PPP6R3: variants seen among roughly 807,000 people sequenced by gnomAD.
PPP6R3 encodes the protein serine/threonine-protein phosphatase 6 regulatory subunit 3.
PPP6R3 carries 38 observed loss-of-function variants against 110.7 expected under a neutral mutation model. That is an observed-to-expected ratio of 0.34 (90% CI 0.26 to 0.45). The LOEUF (loss-of-function observed/expected upper bound fraction) is 0.45. PPP6R3 is among the 20% of genes least tolerant of loss of function. The probability of loss-of-function intolerance (pLI) is 1.00; values close to 1 mark genes in which losing one functional copy is unlikely to be tolerated. For synonymous variants in PPP6R3, 369 were observed against 373.5 expected, an observed-to-expected ratio of 0.99 and a Z score of 0.14; for missense variants, 870 against 1,062.4, an observed-to-expected ratio of 0.82 and a Z score of 2.52.
chr11:68,600,506 T>C lies in PPP6R3; in HGVS notation c.2192+12T>C, dbSNP rs1437785217. ...ACGTCTTCCCTGAGGTGAGCGAACATGTGCTGTCTCTACACCCTTCCACGG... is the reference window on the plus strand; with the variant it reads ...ACGTCTTCCCTGAGGTGAGCGAACACGTGCTGTCTCTACACCCTTCCACGG... On this transcript the variant is annotated intron_variant, in intron 20 of 23. Transcript: ENST00000393800. The C allele has an allele frequency of 6.2e-7, 1 of 1,611,566 alleles. No individual in the cohort carries two copies. The highest frequency in any genetic ancestry group is 2.2e-5 in the East Asian group (1 of 44,850).
intron 18 of PPP6R3, among the ~76,000 whole-genome samples, chr11:68,593,179 AC>A (rs1488328686): frequency 6.7e-6 from 1 of 149,518 alleles, no homozygotes. Context: ...CTTTTGTAAT[AC>A]CTTCCTCTTT....
At chr11:68,493,558 A>G (rs2098996458) in intron 1 of PPP6R3, among the ~76,000 whole-genome samples, 2 of 149,968 alleles carry the variant, frequency 1.3e-5, no homozygotes, top group African/African-American at 2.4e-5. Context: ...ACAGCCTCCC[A>G]GTAGCTAGGA....
intron 1 of PPP6R3, among the ~76,000 whole-genome samples, chr11:68,515,974 A>C (rs2099134607): frequency 6.6e-6 from 1 of 152,218 alleles, no homozygotes; most frequent in African/African-American, 2.4e-5. Context: ...AACATTGTGC[A>C]ATCAGCACCG....
chr11:68,486,725 G>A (rs866489819), intron 1 of PPP6R3, among the ~76,000 whole-genome samples: 21 of 151,926 alleles, frequency 1.4e-4, no homozygotes, highest in African/African-American at 3.4e-4. Context: ...GAACCCATGT[G>A]CGCCTAGTGC....
rs550396076 is a variant in PPP6R3 at position 68,570,220 on chromosome 11, A to G, written c.1278+323A>G. 2.0e-5 allele frequency among the ~76,000 whole-genome samples: 3 copies of G among 152,334 alleles called. No individual in the cohort carries two copies. In the East Asian group the frequency reaches 5.8e-4, roughly 29 times the overall value. On this transcript the variant is annotated intron_variant, in intron 11 of 23. Transcript: ENST00000393800. Reference sequence around the variant, plus strand: ...TTTAAATACTATGGAAAACATTTGCACTATTATTTGGCTGACCAGAGTGTA... The same window carrying G: ...TTTAAATACTATGGAAAACATTTGCGCTATTATTTGGCTGACCAGAGTGTA...
At chr11:68,506,524 G>A (rs2099078653) in intron 1 of PPP6R3, among the ~76,000 whole-genome samples, 1 of 147,458 alleles carries the variant, frequency 6.8e-6, no homozygotes, top group Admixed American at 6.9e-5. Flanking sequence ...TGTATACAAT[G>A]CAGAATAATT....
intron 6 of PPP6R3, among the ~76,000 whole-genome samples, chr11:68,552,959 T>C (rs1385504911): frequency 6.6e-6 from 1 of 152,236 alleles, no homozygotes; most frequent in Admixed American, 6.5e-5. Flanking sequence ...TTTTGGACAG[T>C]CCTGTTGACA....
chr11:68,571,283 C>A, intron 12 of PPP6R3, 179 bp downstream of exon 12: 20 of 895,974 alleles, frequency 2.2e-5, no homozygotes, highest in Non-Finnish European at 2.8e-5. Flanking sequence ...CTAATAATTT[C>A]TTGTTAGGTC....
At position 68,532,778 on chromosome 11, in the gene PPP6R3, G is replaced by A. The variant is rs183058645; in HGVS notation, c.-6-4881G>A. ...TTCAGATACACAAGTACTTAGCATTGTCACTACTGCGTCTGTATTTCAGTA... is the reference window on the plus strand; with the variant it reads ...TTCAGATACACAAGTACTTAGCATTATCACTACTGCGTCTGTATTTCAGTA... On this transcript the variant is annotated intron_variant, in intron 2 of 23. Coordinates refer to ENST00000393800, the MANE Select transcript of PPP6R3 (RefSeq NM_001164161.2). Among the ~76,000 whole-genome samples, 980 of 152,324 alleles carry A rather than the reference G, an allele frequency of 6.4e-3. 12 individuals are homozygous for A. Among genetic ancestry groups the A allele is most frequent in the Non-Finnish European group, 7.5e-3 (509 of 68,020 alleles).
chr11:68,578,867 T>C (rs1172077729), intron 14 of PPP6R3, among the ~76,000 whole-genome samples: 1 of 152,226 alleles, frequency 6.6e-6, no homozygotes, highest in African/African-American at 2.4e-5. Flanking sequence ...AGTTGGTGTT[T>C]TAATTATATC....
intron 1 of PPP6R3, among the ~76,000 whole-genome samples, chr11:68,516,545 T>C (rs1387095401): frequency 6.6e-6 from 1 of 152,238 alleles, no homozygotes; most frequent in Non-Finnish European, 1.5e-5. Context: ...TCAAGCATTT[T>C]GGACAGGGGA....
At chr11:68,519,120 T>C (rs1006316161) in intron 1 of PPP6R3, among the ~76,000 whole-genome samples, 2 of 152,178 alleles carry the variant, frequency 1.3e-5, no homozygotes, top group African/African-American at 2.4e-5. Flanking sequence ...AGGAAGGAAA[T>C]TGTAAAATTT....
intron 1 of PPP6R3, among the ~76,000 whole-genome samples, chr11:68,495,791 A>G (rs1391527670): frequency 2.0e-5 from 3 of 152,188 alleles, no homozygotes; most frequent in African/African-American, 7.2e-5. Flanking sequence ...GCTGCTGTAG[A>G]CATTTATGTA....
intron 2 of PPP6R3, among the ~76,000 whole-genome samples, chr11:68,534,091 G>A (rs185139439): frequency 1.3e-5 from 2 of 152,300 alleles, no homozygotes; most frequent in African/African-American, 4.8e-5. Context: ...CTGGCACAAT[G>A]GAGGAAACTC....
At chr11:68,562,056 A>G (rs1451285357) in intron 8 of PPP6R3, among the ~76,000 whole-genome samples, 1 of 151,928 alleles carries the variant, frequency 6.6e-6, no homozygotes, top group Non-Finnish European at 1.5e-5. Context: ...CATTAAAGAA[A>G]AAAAAAAACG....
intron 16 of PPP6R3, among the ~76,000 whole-genome samples, chr11:68,588,519 G>A (rs1189812458): frequency 6.6e-6 from 1 of 151,804 alleles, no homozygotes; most frequent in Non-Finnish European, 1.5e-5. Flanking sequence ...GTGCAGTGGC[G>A]CTATCTTGGC....
At chr11:68,505,153 A>G (rs1015511397) in intron 1 of PPP6R3, 2 of 152,214 alleles carry the variant, frequency 1.3e-5, no homozygotes, top group African/African-American at 4.8e-5. Flanking sequence ...AGATAAGAAA[A>G]CAAGCTCAGA....
At chr11:68,506,734 C>T (rs986151867) in intron 1 of PPP6R3, among the ~76,000 whole-genome samples, 4 of 152,200 alleles carry the variant, frequency 2.6e-5, no homozygotes, top group Admixed American at 2.0e-4. Context: ...TTCCCCATTC[C>T]TCTCACCTTT....
intron 1 of PPP6R3, among the ~76,000 whole-genome samples, chr11:68,481,240 G>C (rs890839311): frequency 2.6e-5 from 4 of 152,156 alleles, no homozygotes; most frequent in Non-Finnish European, 5.9e-5. Context: ...ATGACACATA[G>C]GCTGGGGCTA....
Sources: allele counts gnomAD v4.1 joint callset (sites outside exome capture counted in the v4.1 genomes callset), GRCh38; gene constraint gnomAD v4.1.1; transcripts MANE v1.5; gene names NCBI Gene and HGNC (gene_info 2026-07-23, HGNC 2026-07-21).